ATRN: variants seen among roughly 807,000 people sequenced by gnomAD.
The protein encoded by ATRN is attractin.
Under a neutral mutation model 178.7 loss-of-function variants are expected in ATRN, and 54 were observed. The ratio of observed to expected loss-of-function variants is 0.30; its 90% confidence interval spans 0.24 to 0.38. The LOEUF (loss-of-function observed/expected upper bound fraction) is 0.38. Ranked by LOEUF, ATRN falls within the 10% of genes least tolerant of loss-of-function variation. ATRN has a pLI of 1.00. For missense variants in ATRN, 1,443 were observed against 1,815.1 expected, an observed-to-expected ratio of 0.79 and a Z score of 3.73; for synonymous variants, 636 against 663.0, an observed-to-expected ratio of 0.96 and a Z score of 0.63.
At chr20:3,618,236 A>C (rs2146309891) in intron 24 of ATRN, among the ~76,000 whole-genome samples, 1 of 151,696 alleles carries the variant, frequency 6.6e-6, no homozygotes, top group African/African-American at 2.4e-5. Context: ...TACTGGAGGG[A>C]GGGGCGGGGC....
At chr20:3,474,936 G>A (rs2084500765) in intron 1 of ATRN, among the ~76,000 whole-genome samples, 2 of 150,988 alleles carry the variant, frequency 1.3e-5, no homozygotes, top group Admixed American at 1.3e-4. Flanking sequence ...GGAGGCTGAG[G>A]CAGGAGAATT....
intron 27 of ATRN, among the ~76,000 whole-genome samples, chr20:3,640,845 A>T (rs1822002736): frequency 6.6e-6 from 1 of 152,238 alleles, no homozygotes; most frequent in Non-Finnish European, 1.5e-5. Context: ...GTAGCCAAAA[A>T]GTGGAAGCAG....
In ATRN at chr20:3,540,221, G is replaced by T; in HGVS notation, c.495-1G>T. On this transcript the variant is annotated splice_acceptor_variant, in intron 2 of 28. Coordinates refer to ENST00000262919, the MANE Select transcript of ATRN (RefSeq NM_139321.3). LOFTEE classifies it high-confidence loss of function. Reference sequence around the variant, plus strand: ...TAAATTACTTTTTTTATTCTTTTCAGGCCAAATAGAATAATGAGACTTCGT... The same window carrying T: ...TAAATTACTTTTTTTATTCTTTTCATGCCAAATAGAATAATGAGACTTCGT... The T allele has an allele frequency of 6.4e-7, 1 of 1,553,534 alleles. No individual in the cohort carries two copies. The highest frequency in any genetic ancestry group is 8.8e-7 in the Non-Finnish European group (1 of 1,140,698).
chr20:3,634,539 G>A, intron 26 of ATRN, 150 bp downstream of exon 26: 2 of 638,898 alleles, frequency 3.1e-6, no homozygotes, highest in Non-Finnish European at 5.4e-6. Context: ...TGCAGTCCAT[G>A]GTTCTGCAGC....
At chr20:3,598,063 T>TA in intron 22 of ATRN, 63 bp downstream of exon 22, 1 of 1,097,154 alleles carries the variant, frequency 9.1e-7, no homozygotes, top group Non-Finnish European at 1.4e-6. Context: ...TCTTGGTCAT[T>TA]ACGGATGGAC....
intron 1 of ATRN, among the ~76,000 whole-genome samples, chr20:3,492,716 G>A (rs2084812210): frequency 6.6e-6 from 1 of 151,702 alleles, no homozygotes; most frequent in Admixed American, 6.6e-5. Context: ...TTATCATTTC[G>A]GGTGGACTGT....
At chr20:3,535,471 A>G in intron 2 of ATRN, 135 bp downstream of exon 2, 1 of 357,448 alleles carries the variant, frequency 2.8e-6, no homozygotes, top group Non-Finnish European at 5.1e-6. Flanking sequence ...TTCATTTGAC[A>G]AGTGAATTTT....
chr20:3,542,245 G>T (rs2085632562), intron 3 of ATRN, among the ~76,000 whole-genome samples: 1 of 152,196 alleles, frequency 6.6e-6, no homozygotes, highest in African/African-American at 2.4e-5. Flanking sequence ...AATAGTACTT[G>T]TTGGGGATTC....
intron 18 of ATRN, among the ~76,000 whole-genome samples, chr20:3,586,652 A>G (rs1489268788): frequency 6.7e-6 from 1 of 148,274 alleles, no homozygotes; most frequent in African/African-American, 2.5e-5. Flanking sequence ...TAGCTGCAGT[A>G]TTATTTTCTG....
At position 3,648,218 on chromosome 20, in the gene ATRN, TGAG is replaced by T. The variant is rs910048478; in HGVS notation, c.*1376_*1378del. On this transcript the variant is annotated 3_prime_UTR_variant, in exon 29 of 29. Transcript: ENST00000262919. ...CCCTCTCAGACCAAGGTGGTGGCTG[TGAG>T]GAGGGCAGCAAATGCTGACAAGGAT... is the stretch of plus-strand genomic sequence containing the variant. The T allele has an allele frequency of 1.9e-4, 25 of 129,242 alleles. No homozygotes were observed. Among genetic ancestry groups the T allele is most frequent in the African/African-American group, 7.0e-4 (24 of 34,400 alleles). The allele number at this position is 129,242 out of a possible 1,614,324, so 8.0% of individuals were successfully genotyped here.
chr20:3,617,115 T>G (rs991058103), intron 24 of ATRN, among the ~76,000 whole-genome samples: 4 of 152,164 alleles, frequency 2.6e-5, no homozygotes, highest in East Asian at 1.9e-4. Flanking sequence ...AGCCGACACC[T>G]TTTTCTGATA....
At chr20:3,482,186 G>C (rs1305195528) in intron 1 of ATRN, among the ~76,000 whole-genome samples, 4 of 151,336 alleles carry the variant, frequency 2.6e-5, no homozygotes, top group Non-Finnish European at 5.9e-5. Context: ...ATATTCAAAG[G>C]AAAATTTGAC....
At chr20:3,642,774 C>T (rs1023354719) in intron 27 of ATRN, among the ~76,000 whole-genome samples, 2 of 152,166 alleles carry the variant, frequency 1.3e-5, no homozygotes, top group Non-Finnish European at 2.9e-5. Context: ...TTCCATCCCA[C>T]GTTTATTCAG....
chr20:3,581,002 GAGGCC>G (rs1420605603), intron 15 of ATRN, among the ~76,000 whole-genome samples: 1 of 152,194 alleles, frequency 6.6e-6, no homozygotes, highest in East Asian at 1.9e-4. Flanking sequence ...AGCATTTTGG[GAGGCC>G]AGTGAGGGAG....
Position 3,560,698 on chromosome 20 carries a change from A to G in ATRN, c.1240A>G (p.Thr414Ala). 1 of 1,613,384 alleles carries G rather than the reference A, an allele frequency of 6.2e-7. No homozygotes were observed. Among genetic ancestry groups the G allele is most frequent in the Non-Finnish European group, 8.5e-7 (1 of 1,179,374 alleles). ...IYMYGGKIDS[T>A]GNVTNELRVF... ...CATGTATGGAGGAAAAATTGATTCAACTGGGAATGTGACCAATGAGTTGAG... is the reference window on the plus strand; with the variant it reads ...CATGTATGGAGGAAAAATTGATTCAGCTGGGAATGTGACCAATGAGTTGAG... The change falls in exon 8 of 29, where the codon ACT becomes GCT. Residue 414 changes from threonine (T) to alanine (A), a missense_variant. Physicochemically the swap from Thr to Ala is moderately conservative, Grantham distance 58. Around this residue, in one of 4 missense-constraint regions of ATRN, gnomAD observed 862 missense variants for 972.1 expected, o/e 0.89. Transcript: ENST00000262919.
chr20:3,490,825 C>CT lies in ATRN; in HGVS notation c.410+19311dup. On this transcript the variant is annotated intron_variant, in intron 1 of 28. Transcript: ENST00000262919. ...TTGAGTTCCTCCTTTCATAATCCATCTTTATCATCATACAGATCCCTCAGG... is the reference window on the plus strand; with the variant it reads ...TTGAGTTCCTCCTTTCATAATCCATCTTTTATCATCATACAGATCCCTCAGG... 1.1e-5 allele frequency: 9 copies of CT among 810,772 alleles called. 1 individual carries two copies. In the South Asian group the frequency reaches 1.2e-4, roughly 11 times the overall value. The allele number at this position is 810,772 out of a possible 1,614,324, so 50.2% of individuals were successfully genotyped here.
At chr20:3,578,377 C>T (rs1297843541) in intron 14 of ATRN, among the ~76,000 whole-genome samples, 4 of 152,208 alleles carry the variant, frequency 2.6e-5, no homozygotes, top group African/African-American at 4.8e-5. Flanking sequence ...TTTTAGGATC[C>T]GGGAGATATC....
intron 26 of ATRN, among the ~76,000 whole-genome samples, chr20:3,635,554 A>G (rs1273483388): frequency 6.6e-6 from 1 of 152,116 alleles, no homozygotes; most frequent in African/African-American, 2.4e-5. Flanking sequence ...ATCTAGACAA[A>G]GAAGCTGTCT....
chr20:3,562,957 C>T (rs2085975585), intron 9 of ATRN, among the ~76,000 whole-genome samples: 1 of 152,066 alleles, frequency 6.6e-6, no homozygotes, highest in African/African-American at 2.4e-5. Flanking sequence ...GATTTCTGCC[C>T]AGAAACTGGA....
Sources: gnomAD v4.1 joint callset for allele counts (sites outside exome capture counted in the v4.1 genomes callset) on GRCh38, gnomAD v4.1.1 for gene constraint, gnomAD v4.1.1 regional missense constraint, MANE v1.5 for transcripts, NCBI Gene and HGNC (gene_info 2026-07-23, HGNC 2026-07-21) for gene names.